FGF10: variants seen among roughly 807,000 people sequenced by gnomAD.
FGF10 encodes the protein fibroblast growth factor 10, also known as FGF-10.
FGF10 carries 2 observed loss-of-function variants against 19.8 expected under a neutral mutation model. The ratio of observed to expected loss-of-function variants is 0.10; its 90% CI spans 0.04 to 0.32. The LOEUF (loss-of-function observed/expected upper bound fraction) is 0.32. Ranked by LOEUF, FGF10 falls within the 10% of genes least tolerant of loss-of-function variation. The pLI is 1.00. For synonymous variants in FGF10, 112 were observed against 94.0 expected, an observed-to-expected ratio of 1.19 and a Z score of -1.10; for missense variants, 191 against 246.3, an observed-to-expected ratio of 0.78 and a Z score of 1.50.
At chr5:44,325,780 G>A (rs1051344244) in intron 1 of FGF10, among the ~76,000 whole-genome samples, 1 of 151,750 alleles carries the variant, frequency 6.6e-6, no homozygotes, top group Non-Finnish European at 1.5e-5. Flanking sequence ...TAAATGACGA[G>A]TTAATGGGTG....
chr5:44,351,664 CA>C (rs1741236611), intron 1 of FGF10, among the ~76,000 whole-genome samples: 2 of 151,612 alleles, frequency 1.3e-5, no homozygotes, highest in Non-Finnish European at 3.0e-5. Context: ...AGAAGACTTC[CA>C]GATTACCTGT....
Position 44,388,865 on chromosome 5 carries a change from C to A in FGF10, c.-183G>T. ...AACTCCTCGGAAAAGCCGGCTGACTCCCCTCGCTCCTTTCTCGGATCCGCT... is the reference window on the plus strand; with the variant it reads ...AACTCCTCGGAAAAGCCGGCTGACTACCCTCGCTCCTTTCTCGGATCCGCT... On this transcript the variant is annotated 5_prime_UTR_variant, in exon 1 of 3. Transcript: ENST00000264664. The A allele has an allele frequency of 3.0e-6, 2 of 670,806 alleles. No individual in the cohort carries two copies. The highest frequency in any genetic ancestry group is 5.4e-6 in the Non-Finnish European group (2 of 369,318). 41.6% of individuals were successfully genotyped at this position (670,806 alleles called of 1,614,324 possible). A position where few individuals can be genotyped will look rare whatever the true frequency, so the allele number is the denominator to read the frequency against.
chr5:44,352,397 A>G (rs1741255892), intron 1 of FGF10, among the ~76,000 whole-genome samples: 2 of 151,630 alleles, frequency 1.3e-5, no homozygotes, highest in African/African-American at 4.8e-5. Context: ...TACCAGGGCC[A>G]GGGTACAAGC....
chr5:44,323,742 GAA>G (rs2111735266), intron 1 of FGF10, among the ~76,000 whole-genome samples: 1 of 152,210 alleles, frequency 6.6e-6, no homozygotes, highest in Non-Finnish European at 1.5e-5. Context: ...CCTCTTGATA[GAA>G]AAGACCAGAA....
chr5:44,357,274 T>C (rs1049681174), intron 1 of FGF10, among the ~76,000 whole-genome samples: 1 of 151,584 alleles, frequency 6.6e-6, no homozygotes. Flanking sequence ...GGAGGAATCT[T>C]AAACCCTGAA....
chr5:44,346,290 T>C (rs1741089230), intron 1 of FGF10, among the ~76,000 whole-genome samples: 1 of 151,796 alleles, frequency 6.6e-6, no homozygotes, highest in African/African-American at 2.4e-5. Flanking sequence ...ATCATTTTTT[T>C]CTCATTTGTA....
intron 1 of FGF10, among the ~76,000 whole-genome samples, chr5:44,328,376 T>G (rs949415682): frequency 6.6e-6 from 1 of 152,228 alleles, no homozygotes; most frequent in African/African-American, 2.4e-5. Context: ...TATCAGATTC[T>G]GTACATTTCC....
At chr5:44,325,889 A>G (rs1430064708) in intron 1 of FGF10, among the ~76,000 whole-genome samples, 1 of 150,310 alleles carries the variant, frequency 6.7e-6, no homozygotes, top group Admixed American at 6.7e-5. Context: ...TTTAAAAAAA[A>G]GAAAAGATAT....
chr5:44,359,360 A>G (rs1364791453), intron 1 of FGF10, among the ~76,000 whole-genome samples: 3 of 151,546 alleles, frequency 2.0e-5, no homozygotes, highest in Non-Finnish European at 4.4e-5. Flanking sequence ...TGAATCCTAC[A>G]GGGAAATCAA....
chr5:44,376,429 T>C (rs888826621), intron 1 of FGF10, among the ~76,000 whole-genome samples: 1 of 149,484 alleles, frequency 6.7e-6, no homozygotes, highest in Non-Finnish European at 1.5e-5. Context: ...TTTAGCATAC[T>C]TTGTTTCTTT....
chr5:44,355,748 A>C (rs1741332144), intron 1 of FGF10, among the ~76,000 whole-genome samples: 1 of 151,462 alleles, frequency 6.6e-6, no homozygotes, highest in Non-Finnish European at 1.5e-5. Context: ...ACTCTGCAGG[A>C]ATATGCTGAG....
At position 44,333,856 on chromosome 5, in the gene FGF10, G is replaced by A. The variant is rs953370872; in HGVS notation, c.326-23326C>T. Among the ~76,000 whole-genome samples, 5 of 151,978 alleles carry A rather than the reference G, an allele frequency of 3.3e-5. No individual in the cohort carries two copies. In the East Asian group the frequency reaches 5.8e-4, roughly 18 times the overall value. On this transcript the variant is annotated intron_variant, in intron 1 of 2. Transcript: ENST00000264664. ...TCTCAGCATCTCTTCATTTTTATTC[G>A]ATCTGTGAGGAGCGTGGCTGTAGGA...
At chr5:44,377,537 C>T (rs948225784) in intron 1 of FGF10, among the ~76,000 whole-genome samples, 11 of 152,282 alleles carry the variant, frequency 7.2e-5, no homozygotes, top group South Asian at 2.1e-4. Context: ...CAAATCTCCA[C>T]GGTTACCTAT....
chr5:44,374,486 G>A (rs1258988002), intron 1 of FGF10, among the ~76,000 whole-genome samples: 1 of 152,100 alleles, frequency 6.6e-6, no homozygotes, highest in Non-Finnish European at 1.5e-5. Flanking sequence ...CTGGTCCTTA[G>A]TCTGTGAAAT....
chr5:44,348,566 T>C (rs957366391), intron 1 of FGF10, among the ~76,000 whole-genome samples: 25 of 151,660 alleles, frequency 1.6e-4, no homozygotes, highest in Non-Finnish European at 3.1e-4. Flanking sequence ...AGGTGGAACT[T>C]CCAGCCTTCC....
intron 1 of FGF10, among the ~76,000 whole-genome samples, chr5:44,331,146 T>C (rs1226936677): frequency 6.6e-6 from 1 of 152,154 alleles, no homozygotes; most frequent in Admixed American, 6.6e-5. Context: ...CTTTGGGAGC[T>C]AAATTTAAAT....
At chr5:44,336,086 G>T (rs1740842377) in intron 1 of FGF10, among the ~76,000 whole-genome samples, 1 of 151,824 alleles carries the variant, frequency 6.6e-6, no homozygotes, top group African/African-American at 2.4e-5. Flanking sequence ...TAATGAACTT[G>T]CATGTTTTTC....
chr5:44,385,093 A>G (rs1388514508), intron 1 of FGF10, among the ~76,000 whole-genome samples: 1 of 152,160 alleles, frequency 6.6e-6, no homozygotes, highest in African/African-American at 2.4e-5. Context: ...GTAAAGAATG[A>G]TAAAACAAAA....
At chr5:44,372,386 T>C (rs1257128702) in intron 1 of FGF10, among the ~76,000 whole-genome samples, 2 of 152,152 alleles carry the variant, frequency 1.3e-5, no homozygotes, top group African/African-American at 4.8e-5. Context: ...TGTCATGGTA[T>C]ATGAGGCCCA....
Sources: allele counts gnomAD v4.1 joint callset (sites outside exome capture counted in the v4.1 genomes callset), GRCh38; gene constraint gnomAD v4.1.1; transcripts MANE v1.5; gene names NCBI Gene and HGNC (gene_info 2026-07-23, HGNC 2026-07-21).